Variants in PTPRK observed in about 807,000 individuals in gnomAD.
The protein encoded by PTPRK is protein tyrosine phosphatase receptor type K.
In PTPRK, 75 loss-of-function variants were observed where a neutral mutation model predicts 178.0. That is an observed-to-expected ratio of 0.42 (90% CI 0.35 to 0.51). The LOEUF (loss-of-function observed/expected upper bound fraction) is 0.51, where lower values mean the gene tolerates loss of function less well. Among genes scored for constraint, PTPRK ranks in the 20% least tolerant of loss-of-function variants. PTPRK has a pLI of 0.02. For synonymous variants in PTPRK, 637 were observed against 620.6 expected, an observed-to-expected ratio of 1.03 and a Z score of -0.39; for missense variants, 1,441 against 1,797.8, an observed-to-expected ratio of 0.80 and a Z score of 3.59.
chr6:128,241,056 A>C (rs1421259828), intron 4 of PTPRK, among the ~76,000 whole-genome samples: 2 of 152,222 alleles, frequency 1.3e-5, no homozygotes, highest in African/African-American at 2.4e-5. Flanking sequence ...AAAAATAAAC[A>C]GTAGATAAAA....
At chr6:128,441,332 C>T (rs898643160) in intron 1 of PTPRK, among the ~76,000 whole-genome samples, 2 of 152,002 alleles carry the variant, frequency 1.3e-5, no homozygotes, top group African/African-American at 4.8e-5. Flanking sequence ...TTTGAAAAAA[C>T]ATGAAGTGAA....
At chr6:128,061,500 G>A (rs953788459) in intron 13 of PTPRK, among the ~76,000 whole-genome samples, 3 of 151,818 alleles carry the variant, frequency 2.0e-5, no homozygotes, top group African/African-American at 7.3e-5. Context: ...CAAGGTTCTA[G>A]CAAGGTTCTA....
At chr6:128,051,111 T>A (rs1291054905) in intron 13 of PTPRK, among the ~76,000 whole-genome samples, 3 of 152,212 alleles carry the variant, frequency 2.0e-5, no homozygotes, top group Admixed American at 2.0e-4. Flanking sequence ...CCTCACAGGT[T>A]CAATTATTCC....
chr6:127,981,107 G>A lies in PTPRK; in HGVS notation c.3711+9C>T, dbSNP rs764630180. 4 of 1,611,090 alleles carry A rather than the reference G, an allele frequency of 2.5e-6. No homozygotes were observed. The South Asian group carries it at 4.4e-5, about 18-fold the overall frequency. On this transcript the variant is annotated intron_variant, in intron 25 of 29. Coordinates refer to ENST00000368226, the MANE Select transcript of PTPRK (RefSeq NM_002844.4). ...ACACTCTACACTAACAAAGAGGGCA[G>A]TCTCTTACGTCCATAAGAGCAGCAT...
At chr6:128,048,304 C>CA (rs1778415700) in intron 13 of PTPRK, among the ~76,000 whole-genome samples, 1 of 152,078 alleles carries the variant, frequency 6.6e-6, no homozygotes, top group Admixed American at 6.6e-5. Flanking sequence ...AACAAGCCCC[C>CA]AAGTGATTCT....
chr6:128,324,307 A>G (rs563095043), intron 2 of PTPRK, among the ~76,000 whole-genome samples: 84 of 152,242 alleles, frequency 5.5e-4, no homozygotes, highest in Admixed American at 2.3e-3. Context: ...TTGGCTTTCT[A>G]ATAGTCATTT....
intron 13 of PTPRK, among the ~76,000 whole-genome samples, chr6:128,010,235 T>C (rs1778900119): frequency 6.6e-6 from 1 of 151,416 alleles, no homozygotes; most frequent in African/African-American, 2.4e-5. Flanking sequence ...TGGCTCCTAC[T>C]GCTAAAAATT....
rs114947727 is a variant in PTPRK, at chr6:128,520,540, G to C, written c.-182C>G. The C allele has an allele frequency of 0.014, 8,448 of 589,052 alleles. 141 individuals are homozygous for C. The highest frequency in any genetic ancestry group is 0.049 in the African/African-American group (2,632 of 53,272). 36.5% of individuals were successfully genotyped at this position (589,052 alleles called of 1,614,324 possible). ...TACCTCAGGGGCGAAAGCGTCGCCA[G>C]CGTCGCCGGCCGGCCGCGGCGGCAG... On this transcript the variant is annotated 5_prime_UTR_variant, in exon 1 of 30. Transcript: ENST00000368226.
intron 13 of PTPRK, among the ~76,000 whole-genome samples, chr6:128,035,855 A>G (rs1776122251): frequency 6.6e-6 from 1 of 152,242 alleles, no homozygotes; most frequent in Admixed American, 6.5e-5. Flanking sequence ...GATCTACAGG[A>G]CAGTCTGCAT....
chr6:128,152,273 C>A (rs1293184272), intron 7 of PTPRK, among the ~76,000 whole-genome samples: 1 of 151,996 alleles, frequency 6.6e-6, no homozygotes, highest in Non-Finnish European at 1.5e-5. Flanking sequence ...GTCAGAGCCA[C>A]CAGCTGCTCT....
chr6:128,065,103 T>C (rs149725697), intron 12 of PTPRK, among the ~76,000 whole-genome samples: 1 of 152,272 alleles, frequency 6.6e-6, no homozygotes, highest in East Asian at 1.9e-4. Flanking sequence ...TCGTAAACTA[T>C]CAGAAAAATG....
intron 2 of PTPRK, among the ~76,000 whole-genome samples, chr6:128,396,930 A>G (rs2128368554): frequency 6.6e-6 from 1 of 152,258 alleles, no homozygotes; most frequent in South Asian, 2.1e-4. Context: ...CCTGGGAGGC[A>G]GAGATCGCAG....
At chr6:128,031,380 G>C (rs921105016) in intron 13 of PTPRK, among the ~76,000 whole-genome samples, 1 of 152,144 alleles carries the variant, frequency 6.6e-6, no homozygotes, top group African/African-American at 2.4e-5. Context: ...CACTTTGTTT[G>C]AAAAGAAAAT....
chr6:128,329,591 G>C (rs567454772), intron 2 of PTPRK, among the ~76,000 whole-genome samples: 1 of 152,254 alleles, frequency 6.6e-6, no homozygotes, highest in Non-Finnish European at 1.5e-5. Flanking sequence ...ATTGGTGTAA[G>C]TTCCAATCTG....
intron 2 of PTPRK, among the ~76,000 whole-genome samples, chr6:128,378,732 T>C (rs1211718871): frequency 6.6e-6 from 1 of 152,038 alleles, no homozygotes; most frequent in Non-Finnish European, 1.5e-5. Flanking sequence ...TAACTGAAAA[T>C]ATATACGTAT....
chr6:128,086,805 A>G (rs1309409207), intron 8 of PTPRK, among the ~76,000 whole-genome samples: 1 of 152,104 alleles, frequency 6.6e-6, no homozygotes, highest in East Asian at 1.9e-4. Context: ...TAAATATTAT[A>G]TATTAAACAA....
At chr6:128,108,093 C>T (rs1358581206) in intron 7 of PTPRK, among the ~76,000 whole-genome samples, 2 of 151,448 alleles carry the variant, frequency 1.3e-5, no homozygotes, top group Admixed American at 1.3e-4. Flanking sequence ...CACACACACA[C>T]ACACACACAC....
intron 3 of PTPRK, among the ~76,000 whole-genome samples, chr6:128,294,158 G>A (rs1230412071): frequency 3.3e-5 from 5 of 151,778 alleles, no homozygotes; most frequent in Admixed American, 2.0e-4. Context: ...TGTAATTAAC[G>A]GTTTATTTTA....
chr6:128,212,233 G>T (rs933483523), intron 6 of PTPRK, among the ~76,000 whole-genome samples: 4 of 151,776 alleles, frequency 2.6e-5, no homozygotes, highest in Non-Finnish European at 5.9e-5. Flanking sequence ...CTATGTATGC[G>T]ATTTTTTTGG....
Sources: allele counts gnomAD v4.1 joint callset (sites outside exome capture counted in the v4.1 genomes callset), GRCh38; gene constraint gnomAD v4.1.1; transcripts MANE v1.5; gene names NCBI Gene and HGNC (gene_info 2026-07-23, HGNC 2026-07-21).